TMC1: variants seen among roughly 807,000 people sequenced by gnomAD.
TMC1 encodes transmembrane channel like 1, also known as transmembrane channel-like protein 1.
TMC1 carries 84 observed loss-of-function variants against 105.8 expected under a neutral mutation model. The observed-to-expected ratio is 0.79, with a 90% CI of 0.67 to 0.95. The LOEUF (loss-of-function observed/expected upper bound fraction) is 0.95, where lower values mean the gene tolerates loss of function less well. TMC1 is among the 40% of genes least tolerant of loss of function. The pLI, the probability that TMC1 is intolerant of heterozygous loss-of-function variation, is 0.00. For synonymous variants in TMC1, 315 were observed against 311.5 expected, an observed-to-expected ratio of 1.01 and a Z score of -0.12; for missense variants, 817 against 914.1, an observed-to-expected ratio of 0.89 and a Z score of 1.37.
chr9:72,546,019 A>C (rs2132068028), intron 1 of TMC1, among the ~76,000 whole-genome samples: 1 of 152,004 alleles, frequency 6.6e-6, no homozygotes, highest in East Asian at 1.9e-4. Flanking sequence ...GCAGTGGCTC[A>C]CAACTGTAAT....
chr9:72,660,790 T>A (rs538858364), intron 5 of TMC1, among the ~76,000 whole-genome samples: 1 of 152,298 alleles, frequency 6.6e-6, no homozygotes, highest in African/African-American at 2.4e-5. Context: ...CGTATTACAA[T>A]AATGTCATTC....
At chr9:72,812,042 G>A (rs1051129523) in intron 18 of TMC1, among the ~76,000 whole-genome samples, 3 of 152,174 alleles carry the variant, frequency 2.0e-5, no homozygotes, top group Admixed American at 6.5e-5. Context: ...CCTGAAACTC[G>A]AGTCTCATCA....
intron 4 of TMC1, among the ~76,000 whole-genome samples, chr9:72,644,060 A>G (rs1435177194): frequency 6.6e-6 from 1 of 152,090 alleles, no homozygotes. Context: ...TTTATTTGCT[A>G]TCATTATCTT....
At chr9:72,747,622 T>C (rs1478837071) in intron 10 of TMC1, among the ~76,000 whole-genome samples, 2 of 152,094 alleles carry the variant, frequency 1.3e-5, no homozygotes, top group South Asian at 2.1e-4. Context: ...TGAGACAGAG[T>C]CTTGCTCTGT....
intron 8 of TMC1, among the ~76,000 whole-genome samples, chr9:72,735,536 T>A (rs1002232448): frequency 1.3e-5 from 2 of 152,254 alleles, no homozygotes; most frequent in African/African-American, 2.4e-5. Flanking sequence ...TCAATGTTTA[T>A]CTTCATATGA....
intron 17 of TMC1, among the ~76,000 whole-genome samples, chr9:72,796,108 T>A (rs1171859683): frequency 6.6e-6 from 1 of 151,918 alleles, no homozygotes; most frequent in Non-Finnish European, 1.5e-5. Context: ...AGAAGGGCAT[T>A]ACATAATGGT....
chr9:72,604,118 G>C (rs1014399614), intron 2 of TMC1, among the ~76,000 whole-genome samples: 3 of 152,158 alleles, frequency 2.0e-5, no homozygotes, highest in Middle Eastern at 3.4e-3. Context: ...ATTGTAATGA[G>C]AGAACAGGCT....
At chr9:72,596,729 G>A (rs578230151) in intron 2 of TMC1, among the ~76,000 whole-genome samples, 1 of 152,180 alleles carries the variant, frequency 6.6e-6, no homozygotes, top group East Asian at 1.9e-4. Context: ...AGTTGCTTTG[G>A]GCTTCTTATA....
intron 4 of TMC1, among the ~76,000 whole-genome samples, chr9:72,641,814 T>TC: frequency 7.1e-6 from 1 of 141,162 alleles, no homozygotes; most frequent in South Asian, 2.4e-4. Flanking sequence ...CCAAATCTTT[T>TC]TTTTTTTTTT....
chr9:72,626,289 C>T (rs1319331525), intron 3 of TMC1, among the ~76,000 whole-genome samples: 2 of 152,052 alleles, frequency 1.3e-5, no homozygotes, highest in African/African-American at 4.8e-5. Context: ...GTGGTTTTTC[C>T]TACAGTAATG....
chr9:72,797,609 G>T (rs1260159500), intron 17 of TMC1, among the ~76,000 whole-genome samples: 2 of 152,100 alleles, frequency 1.3e-5, no homozygotes, highest in Non-Finnish European at 2.9e-5. Flanking sequence ...ACAAAAACAA[G>T]CAATGGGGAA....
chr9:72,709,666 C>A (rs896246002), intron 8 of TMC1, among the ~76,000 whole-genome samples: 1 of 151,986 alleles, frequency 6.6e-6, no homozygotes. Context: ...TTCATAGTAG[C>A]CTTGAGTGAT....
chr9:72,733,764 A>G (rs1827253297), intron 8 of TMC1, among the ~76,000 whole-genome samples: 1 of 152,178 alleles, frequency 6.6e-6, no homozygotes, highest in South Asian at 2.1e-4. Context: ...CAACAGAAAA[A>G]CTAGCAAGAA....
At chr9:72,646,809 A>C (rs12346517) in intron 4 of TMC1, among the ~76,000 whole-genome samples, 1 of 151,786 alleles carries the variant, frequency 6.6e-6, no homozygotes, top group Non-Finnish European at 1.5e-5. Flanking sequence ...TTTTCTTGTT[A>C]TAATAAAACA....
At chr9:72,550,806 A>G (rs1243543650) in intron 1 of TMC1, among the ~76,000 whole-genome samples, 2 of 152,162 alleles carry the variant, frequency 1.3e-5, no homozygotes, top group African/African-American at 2.4e-5. Flanking sequence ...TATTCCCTGG[A>G]ACCTATAGCT....
At chr9:72,666,233 T>C (rs1328699819) in intron 5 of TMC1, among the ~76,000 whole-genome samples, 1 of 148,834 alleles carries the variant, frequency 6.7e-6, no homozygotes, top group Non-Finnish European at 1.5e-5. Flanking sequence ...CTGCACTACA[T>C]AACAAGACCT....
At position 72,576,688 on chromosome 9, in the gene TMC1, C is replaced by T. The variant is rs529025279; in HGVS notation, c.-427-1214C>T. On this transcript the variant is annotated intron_variant, in intron 1 of 23. Coordinates refer to ENST00000297784, the MANE Select transcript of TMC1 (RefSeq NM_138691.3). ...GTTGCCAGGCTGGAGTGCAGTGGCA[C>T]GATCTCGGCTCACTGCAGTCTCTGT... 1.3e-3 allele frequency among the ~76,000 whole-genome samples: 196 copies of T among 147,510 alleles called. 4 individuals are homozygous for T. Among genetic ancestry groups the T allele is most frequent in the African/African-American group, 3.6e-3 (143 of 39,688 alleles).
chr9:72,609,365 C>G (rs1248389569), intron 2 of TMC1, among the ~76,000 whole-genome samples: 2 of 152,048 alleles, frequency 1.3e-5, no homozygotes, highest in Non-Finnish European at 2.9e-5. Context: ...ATGGTGAAAA[C>G]CCGTCTCTAC....
chr9:72,755,300 C>A (rs1285508009), intron 12 of TMC1, among the ~76,000 whole-genome samples: 1 of 152,060 alleles, frequency 6.6e-6, no homozygotes, highest in Non-Finnish European at 1.5e-5. Context: ...TGCAAATGTG[C>A]TTTTTGGAAA....
Sources: allele counts gnomAD v4.1 joint callset (sites outside exome capture counted in the v4.1 genomes callset), GRCh38; gene constraint gnomAD v4.1.1; transcripts MANE v1.5; gene names NCBI Gene and HGNC (gene_info 2026-07-23, HGNC 2026-07-21).